Variants in BCKDHB observed in about 807,000 individuals in gnomAD.
BCKDHB encodes branched chain keto acid dehydrogenase E1 subunit beta.
BCKDHB carries 41 observed loss-of-function variants against 48.5 expected under a neutral mutation model. That is an observed-to-expected ratio of 0.85 (90% CI 0.66 to 1.10). BCKDHB has a LOEUF of 1.10. Among genes scored for constraint, BCKDHB ranks in the 50% least tolerant of loss-of-function variants. The pLI is 0.00. For missense variants in BCKDHB, 496 were observed against 494.2 expected (o/e 1.00, Z -0.03); for synonymous variants, 201 against 174.8 (o/e 1.15, Z -1.18).
chr6:80,181,593 A>G (rs1275499458), intron 6 of BCKDHB, among the ~76,000 whole-genome samples: 5 of 152,126 alleles, frequency 3.3e-5, no homozygotes, highest in South Asian at 4.2e-4. Context: ...TAGTTGGGCT[A>G]TTTCACCAGT....
chr6:80,211,961 A>T (rs899987418), intron 8 of BCKDHB, among the ~76,000 whole-genome samples: 1 of 152,130 alleles, frequency 6.6e-6, no homozygotes, highest in Non-Finnish European at 1.5e-5. Flanking sequence ...ATGCTTCAAA[A>T]GGCAAAAAGC....
intron 6 of BCKDHB, among the ~76,000 whole-genome samples, chr6:80,181,352 A>G (rs150503867): frequency 2.6e-4 from 39 of 152,302 alleles, no homozygotes; most frequent in African/African-American, 8.4e-4. Flanking sequence ...TTATTTTCTT[A>G]AAAATATTTA....
the BCKDHB span, among the ~76,000 whole-genome samples, chr6:80,360,012 G>T: frequency 6.6e-6 from 1 of 152,210 alleles, no homozygotes; most frequent in Non-Finnish European, 1.5e-5. Context: ...TCTCAGGCAA[G>T]TTGACAAATT....
chr6:80,237,262 G>T (rs1776182456), intron 8 of BCKDHB, among the ~76,000 whole-genome samples: 1 of 152,196 alleles, frequency 6.6e-6, no homozygotes, highest in Non-Finnish European at 1.5e-5. Flanking sequence ...CTATCAGGAT[G>T]CTTAGATAGA....
At chr6:80,391,015 C>A in the BCKDHB span, among the ~76,000 whole-genome samples, 14 of 152,148 alleles carry the variant, frequency 9.2e-5, no homozygotes, top group Admixed American at 1.3e-4. Context: ...CTGGATGCTT[C>A]CTGCCCTTGA....
chr6:80,225,051 C>G (rs150991855), intron 8 of BCKDHB, among the ~76,000 whole-genome samples: 1 of 152,292 alleles, frequency 6.6e-6, no homozygotes, highest in Admixed American at 6.5e-5. Context: ...TTGTATGTAA[C>G]TTGCCTTTGA....
chr6:80,447,897 A>G, the BCKDHB span, among the ~76,000 whole-genome samples: 1 of 152,186 alleles, frequency 6.6e-6, no homozygotes, highest in Non-Finnish European at 1.5e-5. Context: ...AGTTAAAATA[A>G]CTTGTTCATT....
chr6:80,285,802 G>A (rs1284246030), intron 9 of BCKDHB, among the ~76,000 whole-genome samples: 2 of 152,090 alleles, frequency 1.3e-5, no homozygotes. Flanking sequence ...AGGGAATGAG[G>A]TTTGATGTAG....
chr6:80,308,834 G>A (rs1173042036), intron 9 of BCKDHB, among the ~76,000 whole-genome samples: 1 of 151,706 alleles, frequency 6.6e-6, no homozygotes, highest in East Asian at 1.9e-4. Flanking sequence ...TGCCCGCCTT[G>A]GCCTCCCAAA....
intron 9 of BCKDHB, among the ~76,000 whole-genome samples, chr6:80,310,831 G>C (rs1198414558): frequency 6.6e-5 from 10 of 152,118 alleles, no homozygotes; most frequent in African/African-American, 2.4e-4. Context: ...GTTTTGATTT[G>C]CATTTCTCTA....
intron 9 of BCKDHB, among the ~76,000 whole-genome samples, chr6:80,312,372 C>G (rs148675120): frequency 1.9e-3 from 285 of 152,290 alleles, no homozygotes; most frequent in African/African-American, 6.7e-3. Context: ...CATCTGCAAA[C>G]AAAGATAGTT....
chr6:80,390,193 G>T, the BCKDHB span, among the ~76,000 whole-genome samples: 15 of 152,190 alleles, frequency 9.9e-5, no homozygotes, highest in African/African-American at 3.4e-4. Flanking sequence ...GAATACAGGA[G>T]ATCCATTAGG....
chr6:80,412,213 A>C, the BCKDHB span, among the ~76,000 whole-genome samples: 2 of 148,396 alleles, frequency 1.3e-5, no homozygotes, highest in Non-Finnish European at 3.0e-5. Flanking sequence ...GCACAATCTC[A>C]GCTCACTGCA....
chr6:80,254,388 A>C (rs1292588492), intron 8 of BCKDHB, among the ~76,000 whole-genome samples: 1 of 152,024 alleles, frequency 6.6e-6, no homozygotes, highest in Non-Finnish European at 1.5e-5. Flanking sequence ...TTGTCTGTAC[A>C]CTAATTTTTA....
At chr6:80,188,540 G>T (rs895494357) in intron 6 of BCKDHB, among the ~76,000 whole-genome samples, 3 of 152,104 alleles carry the variant, frequency 2.0e-5, no homozygotes, top group Admixed American at 1.3e-4. Flanking sequence ...TTGCGAGGTT[G>T]AGATGGGAAG....
At chr6:80,145,049 G>A (rs1771414058) in intron 3 of BCKDHB, among the ~76,000 whole-genome samples, 1 of 152,092 alleles carries the variant, frequency 6.6e-6, no homozygotes, top group Non-Finnish European at 1.5e-5. Flanking sequence ...GGATTTTCTT[G>A]TTCAGTTTTA....
intron 3 of BCKDHB, among the ~76,000 whole-genome samples, chr6:80,166,930 C>G (rs1772602502): frequency 6.6e-6 from 1 of 151,982 alleles, no homozygotes; most frequent in Non-Finnish European, 1.5e-5. Flanking sequence ...TTTCACACTC[C>G]CTCCTTTTTT....
the BCKDHB span, among the ~76,000 whole-genome samples, chr6:80,420,102 C>A: frequency 6.6e-6 from 1 of 152,118 alleles, no homozygotes; most frequent in African/African-American, 2.4e-5. Context: ...CACTGAGCTT[C>A]TTTAAGGTGA....
At chr6:80,456,370 G>A in the BCKDHB span, among the ~76,000 whole-genome samples, 3 of 152,230 alleles carry the variant, frequency 2.0e-5, no homozygotes, top group South Asian at 6.2e-4. Flanking sequence ...TCAGGTAAGA[G>A]GCTGTGGCTC....
Sources: allele counts gnomAD v4.1 joint callset (sites outside exome capture counted in the v4.1 genomes callset), GRCh38; gene constraint gnomAD v4.1.1; transcripts MANE v1.5; gene names NCBI Gene and HGNC (gene_info 2026-07-23, HGNC 2026-07-21).